The following CDK13 variants were observed in gnomAD, a reference collection of about 807,000 sequenced individuals.
The protein encoded by CDK13 is cyclin dependent kinase 13, also known as cyclin-dependent kinase 13.
CDK13 carries 40 observed loss-of-function variants against 137.6 expected under a neutral mutation model. The observed-to-expected ratio is 0.29, with a 90% CI of 0.23 to 0.38. The LOEUF (loss-of-function observed/expected upper bound fraction) is 0.38. CDK13 is among the 10% of genes least tolerant of loss of function. The pLI, the probability that CDK13 is intolerant of heterozygous loss-of-function variation, is 1.00. For synonymous variants in CDK13, 869 were observed against 760.1 expected (o/e 1.14, Z -2.36); for missense variants, 1,704 against 1,951.8 (o/e 0.87, Z 2.39).
intron 1 of CDK13, among the ~76,000 whole-genome samples, chr7:39,954,553 A>G (rs1311679960): frequency 1.3e-5 from 2 of 152,072 alleles, no homozygotes; most frequent in Non-Finnish European, 2.9e-5. Context: ...GGTGTAAATG[A>G]AGGGATGCTG....
rs1406920838 is a variant in CDK13, at chr7:39,951,814, C to T, written c.1173C>T (p.Ser391=). 3.4e-6 allele frequency: 5 copies of T among 1,454,024 alleles called. No individual in the cohort carries two copies. Among genetic ancestry groups the T allele is most frequent in the Admixed American group, 2.6e-5 (1 of 37,932 alleles). The allele number at this position is 1,454,024 out of a possible 1,614,324, so 90.1% of individuals were successfully genotyped here. A position where few individuals can be genotyped will look rare whatever the true frequency, so the allele number is the denominator to read the frequency against. The change falls in exon 1 of 14, where the codon AGC becomes AGT. Residue 391 remains serine (S), a synonymous_variant. Transcript: ENST00000181839. ...CCCCTAGTCCCTACAGCAGCAGCAG[C>T]TGGCGCCGCTCTCGCAGTCCCTACA... ...DVSPSPYSSS[S]WRRSRSPYSP...
chr7:40,094,119 G>A lies in CDK13; in HGVS notation c.3689-11G>A, dbSNP rs370080680. ...TAACTTTTGACCTTGTTTTTGCTCTGTTTCACTTAGGACAAGATGACCTCA... is the reference window on the plus strand; with the variant it reads ...TAACTTTTGACCTTGTTTTTGCTCTATTTCACTTAGGACAAGATGACCTCA... On this transcript the variant is annotated splice_polypyrimidine_tract_variant and intron_variant, in intron 13 of 13. Transcript: ENST00000181839. The A allele has an allele frequency of 1.9e-6, 3 of 1,610,602 alleles. No individual in the cohort carries two copies. The highest frequency in any genetic ancestry group is 2.5e-6 in the Non-Finnish European group (3 of 1,179,122).
intron 1 of CDK13, 46 bp downstream of exon 1, chr7:39,951,898 A>G (rs764785339): frequency 2.3e-6 from 3 of 1,322,206 alleles, no homozygotes; most frequent in South Asian, 2.5e-5. Flanking sequence ...TGCGCTGGCC[A>G]GATCCCCAGG....
At chr7:40,038,890 T>G (rs1241598835) in intron 5 of CDK13, among the ~76,000 whole-genome samples, 1 of 152,104 alleles carries the variant, frequency 6.6e-6, no homozygotes. Context: ...AAACGGGGTT[T>G]CTTCGTGTTA....
Position 39,950,943 on chromosome 7 carries a change from G to GGCGGCAGAA in CDK13, c.308_316dup (p.Gln103_Arg105dup). ...GCGAGAGGCAAGAGGCGCGCAGGAG[G>GGCGGCAGAA]GCGGCAGAAGCGGCGTCGCGGGCCC... is the stretch of plus-strand genomic sequence containing the variant. On this transcript the variant is annotated inframe_insertion, in exon 1 of 14. Coordinates refer to ENST00000181839, the MANE Select transcript of CDK13 (RefSeq NM_003718.5). 7.6e-7 allele frequency: 1 copy of GGCGGCAGAA among 1,312,326 alleles called. No homozygotes were observed. Among genetic ancestry groups the GGCGGCAGAA allele is most frequent in the Non-Finnish European group, 9.7e-7 (1 of 1,035,344 alleles). 81.3% of individuals were successfully genotyped at this position (1,312,326 alleles called of 1,614,324 possible). A position where few individuals can be genotyped will look rare whatever the true frequency, so the allele number is the denominator to read the frequency against.
At chr7:40,093,946 C>A (rs17538314) in intron 13 of CDK13, among the ~76,000 whole-genome samples, 184 bp from the exon 14 acceptor site, 2 of 150,556 alleles carry the variant, frequency 1.3e-5, no homozygotes, top group Admixed American at 6.6e-5. Flanking sequence ...TAAAGAGAAG[C>A]CATATACAGT....
At chr7:39,991,369 C>T (rs930032379) in intron 2 of CDK13, among the ~76,000 whole-genome samples, 1 of 152,150 alleles carries the variant, frequency 6.6e-6, no homozygotes, top group Non-Finnish European at 1.5e-5. Context: ...TAATGGTCTG[C>T]ATAATCTCAT....
chr7:40,077,591 A>C (rs977319105), intron 9 of CDK13, among the ~76,000 whole-genome samples: 1 of 152,220 alleles, frequency 6.6e-6, no homozygotes, highest in Non-Finnish European at 1.5e-5. Context: ...GTGGTGGCTC[A>C]TGCCTGTAAT....
chr7:39,987,630 T>C lies in CDK13; in HGVS notation c.1243T>C (p.Tyr415His). The change falls in exon 2 of 14, where the codon TAT (tyrosine) becomes CAT (histidine). Residue 415 changes from tyrosine to histidine, a missense_variant. Physicochemically the swap from Tyr to His is moderately conservative, Grantham distance 83 (BLOSUM62 2). Coordinates refer to ENST00000181839, the MANE Select transcript of CDK13 (RefSeq NM_003718.5). ...TGGAAAATCCCGAAGCAGAAGCCCGTATTCATCTAGGCATTCAAGATCTCG... is the reference window on the plus strand; with the variant it reads ...TGGAAAATCCCGAAGCAGAAGCCCGCATTCATCTAGGCATTCAAGATCTCG... ...RSGKSRSRSP[Y>H]SSRHSRSRSR... 6.2e-7 allele frequency: 1 copy of C among 1,605,878 alleles called. No homozygotes were observed. The highest frequency in any genetic ancestry group is 8.5e-7 in the Non-Finnish European group (1 of 1,177,958).
rs1784369637 is a variant in CDK13 at position 39,987,766 on chromosome 7, G to GAGCAGCAGAGGCAGCAAGAGCCGCAGA, written c.1386_1412dup (p.Glu463_Ala471dup). 6.2e-7 allele frequency: 1 copy of GAGCAGCAGAGGCAGCAAGAGCCGCAGA among 1,613,888 alleles called. No individual in the cohort carries two copies. Among genetic ancestry groups the GAGCAGCAGAGGCAGCAAGAGCCGCAGA allele is most frequent in the Non-Finnish European group, 8.5e-7 (1 of 1,180,016 alleles). On this transcript the variant is annotated inframe_insertion, in exon 2 of 14. Coordinates refer to ENST00000181839, the MANE Select transcript of CDK13 (RefSeq NM_003718.5). Reference sequence around the variant, plus strand: ...GAATTGAACAAGAATAAAAAAGCACGAGCAGCAGAGGCAGCAAGAGCCGCA... The same window carrying GAGCAGCAGAGGCAGCAAGAGCCGCAGA: ...GAATTGAACAAGAATAAAAAAGCACGAGCAGCAGAGGCAGCAAGAGCCGCAGAAGCAGCAGAGGCAGCAAGAGCCGCA...
intron 5 of CDK13, among the ~76,000 whole-genome samples, chr7:40,038,506 T>G (rs551136747): frequency 2.6e-5 from 4 of 152,322 alleles, no homozygotes; most frequent in Non-Finnish European, 4.4e-5. Flanking sequence ...GATTGTTAAG[T>G]CAAAGGGAAA....
intron 1 of CDK13, among the ~76,000 whole-genome samples, chr7:39,971,630 C>CTCACGCCTCTAA (rs111915526): frequency 6.6e-6 from 1 of 151,888 alleles, no homozygotes; most frequent in Non-Finnish European, 1.5e-5. Flanking sequence ...GGTGTGGTGG[C>CTCACGCCTCTAA]TCGCAGCACT....
intron 5 of CDK13, among the ~76,000 whole-genome samples, chr7:40,027,275 G>A (rs901800439): frequency 4.6e-5 from 7 of 152,260 alleles, no homozygotes; most frequent in African/African-American, 1.4e-4. Flanking sequence ...CCCAGCAGGC[G>A]AAGGTTACAG....
At chr7:40,074,692 G>A (rs922275742) in intron 9 of CDK13, among the ~76,000 whole-genome samples, 13 of 151,624 alleles carry the variant, frequency 8.6e-5, no homozygotes, top group African/African-American at 3.1e-4. Context: ...GGATGTAGTG[G>A]CATATTCCTG....
At chr7:40,048,810 T>C (rs1194398132) in intron 7 of CDK13, 1 of 151,452 alleles carries the variant, frequency 6.6e-6, no homozygotes, top group Non-Finnish European at 1.5e-5. Context: ...GCCTGTGACA[T>C]AATTCTGGAA....
At chr7:39,977,860 A>G (rs992394294) in intron 1 of CDK13, among the ~76,000 whole-genome samples, 1 of 152,142 alleles carries the variant, frequency 6.6e-6, no homozygotes, top group Non-Finnish European at 1.5e-5. Context: ...GGAAAAATGG[A>G]GAGATGCTTG....
rs1318914943 is a variant in CDK13, at chr7:39,976,317, TCTCTCTCACACACA to T, written c.1212-11280_1212-11267del. On this transcript the variant is annotated intron_variant, in intron 1 of 13. Coordinates refer to ENST00000181839, the MANE Select transcript of CDK13 (RefSeq NM_003718.5). ...CTCTCTCTCTCTCTCTCTCTCTCTC[TCTCTCTCACACACA>T]CACACACACACACACACACACACAC... Among the ~76,000 whole-genome samples, 70 of 63,820 alleles carry T rather than the reference TCTCTCTCACACACA, an allele frequency of 1.1e-3. No homozygotes were observed. In the East Asian group the frequency reaches 0.014, roughly 12 times the overall value. 41.9% of individuals were successfully genotyped at this position (63,820 alleles called of 152,430 possible).
rs1179605772 is a variant in CDK13, at chr7:40,005,735, G to GT, written c.2353+3710dup. Among the ~76,000 whole-genome samples, 7 of 152,110 alleles carry GT rather than the reference G, an allele frequency of 4.6e-5. No individual in the cohort carries two copies. In the South Asian group the frequency reaches 1.2e-3, roughly 27 times the overall value. On this transcript the variant is annotated intron_variant, in intron 5 of 13. Transcript: ENST00000181839. ...GAAGATTTTTCTTGTTTTTTGTTTTGTTTTTTCTTTGAGACAGGGTCTCAT... is the reference window on the plus strand; with the variant it reads ...GAAGATTTTTCTTGTTTTTTGTTTTGTTTTTTTCTTTGAGACAGGGTCTCAT...
intron 5 of CDK13, among the ~76,000 whole-genome samples, chr7:40,029,253 C>G (rs1785312883): frequency 6.6e-6 from 1 of 151,766 alleles, no homozygotes; most frequent in Non-Finnish European, 1.5e-5. Flanking sequence ...ATGGCGAAAC[C>G]CCATCTCTAC....
Sources: gnomAD v4.1 joint callset for allele counts (sites outside exome capture counted in the v4.1 genomes callset) on GRCh38, gnomAD v4.1.1 for gene constraint, MANE v1.5 for transcripts, NCBI Gene and HGNC (gene_info 2026-07-23, HGNC 2026-07-21) for gene names.